Variants in RCOR1 observed in about 807,000 individuals in gnomAD.
RCOR1 encodes REST corepressor 1.
Under a neutral mutation model 64.0 loss-of-function variants are expected in RCOR1, and 12 were observed. That is an observed-to-expected ratio of 0.19 (90% CI 0.12 to 0.30). The LOEUF is 0.30. RCOR1 is among the 10% of genes least tolerant of loss of function. The pLI, the probability that RCOR1 is intolerant of heterozygous loss-of-function variation, is 1.00. For synonymous variants in RCOR1, 279 were observed against 227.2 expected (o/e 1.23, Z -2.05); for missense variants, 502 against 621.2 (o/e 0.81, Z 2.04).
intron 2 of RCOR1, among the ~76,000 whole-genome samples, chr14:102,678,890 G>T (rs1895246166): frequency 1.3e-5 from 2 of 152,168 alleles, no homozygotes; most frequent in African/African-American, 4.8e-5. Context: ...ATGATGTAGA[G>T]CATCTTTTCA....
intron 2 of RCOR1, among the ~76,000 whole-genome samples, chr14:102,670,825 G>T (rs2139948261): frequency 6.6e-6 from 1 of 151,882 alleles, no homozygotes; most frequent in Non-Finnish European, 1.5e-5. Flanking sequence ...CCAGGCTGGA[G>T]TGCAGCGGTG....
Position 102,715,986 on chromosome 14 carries a change from C to T in RCOR1, c.1053+1369C>T, listed in dbSNP as rs113113748. On this transcript the variant is annotated intron_variant, in intron 8 of 11. Coordinates refer to ENST00000262241, the MANE Select transcript of RCOR1 (RefSeq NM_015156.4). ...ACCAGTTGTGACAACAGAAATATCC[C>T]TAGGCATCACCAGATTACCTCACAG... 6.7e-3 allele frequency among the ~76,000 whole-genome samples: 1,013 copies of T among 152,330 alleles called. 13 individuals are homozygous for T. The highest frequency in any genetic ancestry group is 0.024 in the African/African-American group (981 of 41,564).
chr14:102,608,825 A>C (rs1893568692), intron 2 of RCOR1, among the ~76,000 whole-genome samples: 1 of 150,720 alleles, frequency 6.6e-6, no homozygotes, highest in South Asian at 2.1e-4. Flanking sequence ...TCAGCCTCCC[A>C]AAATGCTGAG....
intron 4 of RCOR1, among the ~76,000 whole-genome samples, chr14:102,707,021 GTA>G (rs1297548813): frequency 1.3e-5 from 2 of 151,548 alleles, no homozygotes; most frequent in Non-Finnish European, 2.9e-5. Context: ...TATTTTTATT[GTA>G]TGTGTAATTT....
rs192034418 is a variant in RCOR1 at position 102,600,092 on chromosome 14, T to A, written c.361+6767T>A. ...TATTTATTTAATTATTATTATTATT[T>A]TTTTGAGACGGAGTCTCGCTCTGTC... On this transcript the variant is annotated intron_variant, in intron 2 of 11. Transcript: ENST00000262241. Among the ~76,000 whole-genome samples the A allele has an allele frequency of 4.3e-4, 66 of 152,130 alleles. No homozygotes were observed. In the East Asian group the frequency reaches 0.012, roughly 28 times the overall value.
Position 102,726,613 on chromosome 14 carries a change from G to A in RCOR1, c.*107G>A. On this transcript the variant is annotated 3_prime_UTR_variant, in exon 12 of 12. Transcript: ENST00000262241. ...TGCATCACATCTCTCTGGACAAGCA[G>A]CTATTACCAAAAAAGGCATATACTT... 1.0e-6 allele frequency: 1 copy of A among 964,454 alleles called. No homozygotes were observed. The highest frequency in any genetic ancestry group is 2.4e-5 in the East Asian group (1 of 41,326). The allele number at this position is 964,454 out of a possible 1,614,324, so 59.7% of individuals were successfully genotyped here.
intron 2 of RCOR1, among the ~76,000 whole-genome samples, chr14:102,595,600 C>T (rs1224832068): frequency 1.4e-5 from 2 of 147,958 alleles, no homozygotes; most frequent in Non-Finnish European, 3.0e-5. Flanking sequence ...TTTTTTGAGA[C>T]GGAGTCTTGC....
chr14:102,706,924 A>G (rs1895870955), intron 4 of RCOR1, among the ~76,000 whole-genome samples: 6 of 152,016 alleles, frequency 3.9e-5, no homozygotes, highest in Admixed American at 2.6e-4. Context: ...ATATGTTGCC[A>G]TACTTAACAA....
intron 5 of RCOR1, among the ~76,000 whole-genome samples, chr14:102,708,244 C>T (rs964441325): frequency 2.0e-5 from 3 of 152,092 alleles, no homozygotes; most frequent in African/African-American, 7.2e-5. Context: ...GGATTACAGG[C>T]GTGAGTCACC....
rs1317778968 is a variant in RCOR1, at chr14:102,592,986, G to A, written c.100G>A (p.Ala34Thr). ...SASAAAASAAASAACASPAAT... is the reference protein window; with the variant it reads ...SASAAAASAATSAACASPAAT... ...CTCCGCCGCCGCCGCCTCCGCCGCC[G>A]CCTCGGCCGCCTGCGCCTCGCCAGC... Residue 34 changes from alanine (A) to threonine (T), a missense_variant, in exon 1 of 12, where the codon GCC (alanine) becomes ACC (threonine). By Grantham distance (58) the Ala-to-Thr change is moderately conservative. Coordinates refer to ENST00000262241, the MANE Select transcript of RCOR1 (RefSeq NM_015156.4). 1 of 1,156,858 alleles carries A rather than the reference G, an allele frequency of 8.6e-7. No homozygotes were observed. The highest frequency in any genetic ancestry group is 1.1e-6 in the Non-Finnish European group (1 of 940,788). 71.7% of individuals were successfully genotyped at this position (1,156,858 alleles called of 1,614,324 possible).
intron 3 of RCOR1, among the ~76,000 whole-genome samples, chr14:102,683,181 T>G (rs1249210073): frequency 6.6e-6 from 1 of 152,142 alleles, no homozygotes; most frequent in Non-Finnish European, 1.5e-5. Context: ...AAGCCCTGAT[T>G]ACAATCGTTT....
At position 102,713,395 on chromosome 14, in the gene RCOR1, G is replaced by C. The variant is rs531745542; in HGVS notation, c.859-1028G>C. Reference sequence around the variant, plus strand: ...TGCCTCAGCCTCCCGCCATTCTCCTGCTTCAGCCTCCCAAGTAGCTGGGGC... The same window carrying C: ...TGCCTCAGCCTCCCGCCATTCTCCTCCTTCAGCCTCCCAAGTAGCTGGGGC... On this transcript the variant is annotated intron_variant, in intron 7 of 11. Transcript: ENST00000262241. Among the ~76,000 whole-genome samples the C allele has an allele frequency of 4.0e-5, 6 of 151,698 alleles. No homozygotes were observed. In the South Asian group the frequency reaches 1.2e-3, roughly 32 times the overall value.
At chr14:102,699,445 GA>G (rs1895711867) in intron 3 of RCOR1, among the ~76,000 whole-genome samples, 2 of 152,106 alleles carry the variant, frequency 1.3e-5, no homozygotes, top group South Asian at 4.1e-4. Flanking sequence ...CCAATTTTTA[GA>G]ATACATGCTT....
At chr14:102,714,791 T>C (rs1429189702) in intron 8 of RCOR1, among the ~76,000 whole-genome samples, 174 bp downstream of exon 8, 2 of 152,236 alleles carry the variant, frequency 1.3e-5, no homozygotes, top group Non-Finnish European at 2.9e-5. Flanking sequence ...AATGAACATA[T>C]AAATTGAAGT....
chr14:102,599,937 G>T (rs1277004021), intron 2 of RCOR1, among the ~76,000 whole-genome samples: 1 of 151,798 alleles, frequency 6.6e-6, no homozygotes, highest in African/African-American at 2.4e-5. Flanking sequence ...ATCAGTTGCT[G>T]GGAATACATG....
intron 2 of RCOR1, among the ~76,000 whole-genome samples, chr14:102,645,411 T>G (rs1005765569): frequency 1.2e-4 from 18 of 152,296 alleles, no homozygotes; most frequent in Middle Eastern, 6.8e-3. Flanking sequence ...GTTTATTAGG[T>G]GCATTTCCTG....
At chr14:102,655,376 T>C in intron 2 of RCOR1, 1 of 985,338 alleles carries the variant, frequency 1.0e-6, no homozygotes, top group Non-Finnish European at 1.2e-6. Flanking sequence ...TCATGGGCAT[T>C]TTTCCCTTTG....
At chr14:102,656,695 CT>C (rs1169062999) in intron 2 of RCOR1, among the ~76,000 whole-genome samples, 1 of 151,946 alleles carries the variant, frequency 6.6e-6, no homozygotes, top group Non-Finnish European at 1.5e-5. Context: ...TCTTGAACTT[CT>C]GACTCAAGCG....
In RCOR1 at chr14:102,708,413, T is replaced by C. The variant is rs1052018657; in HGVS notation, c.661-52T>C. ...CTGCGCCCGGCCTTAAACATTTGATTTTTAAAGATTACTTTTTTATTTAAA... is the reference window on the plus strand; with the variant it reads ...CTGCGCCCGGCCTTAAACATTTGATCTTTAAAGATTACTTTTTTATTTAAA... On this transcript the variant is annotated intron_variant, in intron 5 of 11. Transcript: ENST00000262241. 4.5e-6 allele frequency: 5 copies of C among 1,106,110 alleles called. No individual in the cohort carries two copies. The Admixed American group carries it at 8.6e-5, about 19-fold the overall frequency. 68.5% of individuals were successfully genotyped at this position (1,106,110 alleles called of 1,614,324 possible). A position where few individuals can be genotyped will look rare whatever the true frequency, so the allele number is the denominator to read the frequency against.
Sources: gnomAD v4.1 joint callset for allele counts (sites outside exome capture counted in the v4.1 genomes callset) on GRCh38, gnomAD v4.1.1 for gene constraint, MANE v1.5 for transcripts, NCBI Gene and HGNC (gene_info 2026-07-23, HGNC 2026-07-21) for gene names.